TRPM3: variants seen among roughly 807,000 people sequenced by gnomAD.
TRPM3 encodes transient receptor potential cation channel subfamily M member 3, also known as long transient receptor potential channel 3.
In TRPM3, 77 loss-of-function variants were observed where a neutral mutation model predicts 181.2. The observed-to-expected ratio is 0.42, with a 90% CI of 0.35 to 0.51. The LOEUF (loss-of-function observed/expected upper bound fraction) is 0.51. Among genes scored for constraint, TRPM3 ranks in the 20% least tolerant of loss-of-function variants. The probability of loss-of-function intolerance (pLI) is 0.01; values close to 1 mark genes in which losing one functional copy is unlikely to be tolerated. For missense variants in TRPM3, 1,759 were observed against 2,196.7 expected (o/e 0.80, Z 3.98); for synonymous variants, 745 against 796.4 (o/e 0.94, Z 1.09).
At chr9:71,428,548 T>A (rs1373211873) in intron 1 of TRPM3, among the ~76,000 whole-genome samples, 1 of 152,184 alleles carries the variant, frequency 6.6e-6, no homozygotes, top group African/African-American at 2.4e-5. Context: ...TCTGGACATG[T>A]GCTTTTTGTT....
intron 3 of TRPM3, among the ~76,000 whole-genome samples, chr9:70,858,505 A>T (rs1371658129): frequency 2.0e-5 from 3 of 152,304 alleles, no homozygotes; most frequent in Non-Finnish European, 2.9e-5. Flanking sequence ...AATCAGAATA[A>T]TTGAAGGGCA....
chr9:70,803,593 C>T (rs2089888819), intron 6 of TRPM3, among the ~76,000 whole-genome samples: 1 of 151,196 alleles, frequency 6.6e-6, no homozygotes, highest in Non-Finnish European at 1.5e-5. Flanking sequence ...GGACCACAGG[C>T]GCCCGCCACT....
chr9:71,035,093 CTT>C (rs1175228786), intron 1 of TRPM3, among the ~76,000 whole-genome samples: 1 of 152,126 alleles, frequency 6.6e-6, no homozygotes, highest in Non-Finnish European at 1.5e-5. Flanking sequence ...CAGGCCAACT[CTT>C]TTGTTGTAGT....
chr9:70,957,308 A>G (rs1168373647), intron 1 of TRPM3, among the ~76,000 whole-genome samples: 1 of 152,148 alleles, frequency 6.6e-6, no homozygotes, highest in Non-Finnish European at 1.5e-5. Flanking sequence ...AGACTTGTGT[A>G]CAATTGCAAC....
intron 1 of TRPM3, among the ~76,000 whole-genome samples, chr9:71,355,149 C>T (rs2091842422): frequency 6.6e-6 from 1 of 152,142 alleles, no homozygotes; most frequent in Non-Finnish European, 1.5e-5. Context: ...GGTTCAATTG[C>T]AATTAATGGT....
chr9:70,814,374 C>T (rs2092469767), intron 6 of TRPM3, among the ~76,000 whole-genome samples: 1 of 152,098 alleles, frequency 6.6e-6, no homozygotes, highest in South Asian at 2.1e-4. Flanking sequence ...AATTTTAGCT[C>T]CACTAGATTG....
intron 1 of TRPM3, among the ~76,000 whole-genome samples, chr9:71,413,614 CTGCAACAGTGT>C (rs1298437114): frequency 1.3e-5 from 2 of 152,104 alleles, no homozygotes; most frequent in South Asian, 2.1e-4. Context: ...TTAATTCCCA[CTGCAACAGTGT>C]TGGGAGGTAT....
At chr9:71,164,361 C>T (rs1444041175) in intron 1 of TRPM3, among the ~76,000 whole-genome samples, 2 of 152,156 alleles carry the variant, frequency 1.3e-5, no homozygotes, top group Non-Finnish European at 2.9e-5. Flanking sequence ...TTTTTCTCTA[C>T]AATGGCAGTG....
intron 8 of TRPM3, among the ~76,000 whole-genome samples, chr9:70,701,021 T>C (rs1016850545): frequency 1.3e-5 from 2 of 152,148 alleles, no homozygotes; most frequent in African/African-American, 4.8e-5. Flanking sequence ...TTTTTTCACA[T>C]CTCCCCATTA....
At chr9:70,896,980 C>G (rs1052630813) in intron 1 of TRPM3, among the ~76,000 whole-genome samples, 1 of 130,494 alleles carries the variant, frequency 7.7e-6, no homozygotes, top group African/African-American at 3.0e-5. Flanking sequence ...AAGAGTTATA[C>G]ATATTTATGG....
chr9:71,366,834 G>T (rs1301480064), intron 1 of TRPM3, among the ~76,000 whole-genome samples: 1 of 152,002 alleles, frequency 6.6e-6, no homozygotes, highest in Non-Finnish European at 1.5e-5. Context: ...TTTGGCAGGG[G>T]TAAATCTGTA....
chr9:70,581,734 G>A (rs2055742149), intron 22 of TRPM3, among the ~76,000 whole-genome samples: 2 of 152,098 alleles, frequency 1.3e-5, no homozygotes, highest in Admixed American at 1.3e-4. Flanking sequence ...GTTACAGGAT[G>A]CATGGCAACC....
chr9:70,816,865 T>A (rs1294884650), intron 6 of TRPM3, among the ~76,000 whole-genome samples: 1 of 152,230 alleles, frequency 6.6e-6, no homozygotes, highest in African/African-American at 2.4e-5. Flanking sequence ...ATAATCCATA[T>A]CTTTTTAGGC....
intron 5 of TRPM3, among the ~76,000 whole-genome samples, chr9:70,829,806 A>G (rs2093780407): frequency 6.6e-6 from 1 of 152,150 alleles, no homozygotes. Flanking sequence ...TGGTTTGCTA[A>G]TCCCATCCTG....
In TRPM3 at chr9:70,917,780, G is replaced by C. The variant is rs990943677; in HGVS notation, c.178-53269C>G. On this transcript the variant is annotated intron_variant, in intron 1 of 25. Transcript: ENST00000677713. The stretch of plus-strand genomic sequence containing the variant: ...GAAAACAAATAATAAAGTGGTAGGA[G>C]TAAGTCCTTACTCATCAATAACAAC... Among the ~76,000 whole-genome samples, 5 of 151,996 alleles carry C rather than the reference G, an allele frequency of 3.3e-5. 1 individual carries two copies. In the South Asian group the frequency reaches 1.0e-3, roughly 32 times the overall value.
intron 1 of TRPM3, among the ~76,000 whole-genome samples, chr9:71,159,889 A>G (rs1188124683): frequency 3.3e-5 from 5 of 152,170 alleles, no homozygotes; most frequent in African/African-American, 7.2e-5. Context: ...CATTTACTCC[A>G]TATTTTCTAT....
At chr9:70,683,592 A>C (rs1045520991) in intron 8 of TRPM3, among the ~76,000 whole-genome samples, 1 of 151,826 alleles carries the variant, frequency 6.6e-6, no homozygotes, top group Admixed American at 6.6e-5. Context: ...TGAAGAGCCA[A>C]ACAAACTCCA....
At chr9:70,813,073 C>T (rs1026022332) in intron 6 of TRPM3, among the ~76,000 whole-genome samples, 15 of 151,830 alleles carry the variant, frequency 9.9e-5, no homozygotes, top group African/African-American at 2.2e-4. Context: ...AGGTAATTCA[C>T]GTAATGAATT....
At chr9:71,327,368 AG>A in intron 1 of TRPM3, among the ~76,000 whole-genome samples, 1 of 152,342 alleles carries the variant, frequency 6.6e-6, no homozygotes, top group Admixed American at 6.5e-5. Flanking sequence ...ATGCTGGAAC[AG>A]GCTGACTGAT....
Sources: gnomAD v4.1 joint callset for allele counts (sites outside exome capture counted in the v4.1 genomes callset) on GRCh38, gnomAD v4.1.1 for gene constraint, MANE v1.5 for transcripts, NCBI Gene and HGNC (gene_info 2026-07-23, HGNC 2026-07-21) for gene names.